SAFB: variants seen among roughly 807,000 people sequenced by gnomAD.
SAFB encodes scaffold attachment factor B.
A neutral mutation model predicts 101.6 loss-of-function variants in SAFB; 15 were observed. The ratio of observed to expected loss-of-function variants is 0.15; its 90% CI spans 0.10 to 0.23. The LOEUF is 0.23. Among genes scored for constraint, SAFB ranks in the 10% least tolerant of loss-of-function variants. The pLI, the probability that SAFB is intolerant of heterozygous loss-of-function variation, is 1.00. For missense variants in SAFB, 930 were observed against 1,104.1 expected, an observed-to-expected ratio of 0.84 and a Z score of 2.23; for synonymous variants, 449 against 407.5, an observed-to-expected ratio of 1.10 and a Z score of -1.23.
At chr19:5,655,838 A>G (rs376451622) in intron 13 of SAFB, among the ~76,000 whole-genome samples, 1 of 152,240 alleles carries the variant, frequency 6.6e-6, no homozygotes, top group Non-Finnish European at 1.5e-5. Flanking sequence ...TAACAATGTC[A>G]TTGGCACAAA....
chr19:5,647,159 C>T (rs536657048), intron 5 of SAFB, among the ~76,000 whole-genome samples: 2 of 152,294 alleles, frequency 1.3e-5, no homozygotes, highest in East Asian at 3.9e-4. Flanking sequence ...GAAAAAGCTC[C>T]TTTGCTTAGT....
intron 2 of SAFB, among the ~76,000 whole-genome samples, chr19:5,629,735 G>A (rs2053448431): frequency 6.6e-6 from 1 of 152,152 alleles, no homozygotes; most frequent in African/African-American, 2.4e-5. Flanking sequence ...CAAGGATATG[G>A]CCCTTTATTT....
rs201328292 is a variant in SAFB at position 5,654,099 on chromosome 19, A to C, written c.1565A>C (p.Lys522Thr). 259 of 1,614,080 alleles carry C rather than the reference A, an allele frequency of 1.6e-4. 1 individual carries two copies. The highest frequency in any genetic ancestry group is 1.9e-4 in the Non-Finnish European group (229 of 1,180,026). Residue 522 changes from lysine (K) to threonine (T), a missense_variant, in exon 12 of 21, where the codon AAA (lysine) becomes ACA (threonine). Coordinates refer to ENST00000588852, the MANE Select transcript of SAFB (RefSeq NM_001201338.2). ...NLKRDDKCDR[K>T]DDAKKGDDGS... ...AAGAGGGATGATAAATGTGACAGAA[A>C]AGATGATGCTAAGAAGGGTGACGAC...
At chr19:5,660,579 G>A (rs934000436) in intron 14 of SAFB, among the ~76,000 whole-genome samples, 9 of 151,138 alleles carry the variant, frequency 6.0e-5, no homozygotes, top group Non-Finnish European at 7.4e-5. Context: ...GTAAAGGATC[G>A]AAAGAAGAAA....
intron 4 of SAFB, among the ~76,000 whole-genome samples, chr19:5,644,269 C>T (rs1786749174): frequency 6.6e-6 from 1 of 152,136 alleles, no homozygotes; most frequent in African/African-American, 2.4e-5. Context: ...GTTTCCCAGC[C>T]TAGTTCAATG....
chr19:5,667,918 C>G lies in SAFB; in HGVS notation c.2624+32C>G. 17 of 1,571,244 alleles carry G rather than the reference C, an allele frequency of 1.1e-5. No homozygotes were observed. The highest frequency in any genetic ancestry group is 1.5e-5 in the Non-Finnish European group (17 of 1,158,620). On this transcript the variant is annotated intron_variant, in intron 20 of 20. Transcript: ENST00000588852. This position sits in a 1 kb window ranked among gnomAD's most constrained non-coding sequence, Gnocchi z 4.0. ...CATGCTGGGGGCGGCGCCCCTTCCC[C>G]CTGCTTTGCATATTGGCCTACCTTG...
chr19:5,648,654 T>G (rs1311476249), intron 6 of SAFB, among the ~76,000 whole-genome samples: 1 of 152,216 alleles, frequency 6.6e-6, no homozygotes, highest in Non-Finnish European at 1.5e-5. Context: ...TGGTGATACA[T>G]TCAGTTAAGC....
intron 4 of SAFB, among the ~76,000 whole-genome samples, chr19:5,642,206 G>C (rs185594767): frequency 6.6e-6 from 1 of 152,214 alleles, no homozygotes. Context: ...TCTTCCTGTT[G>C]CCGGACTTGA....
chr19:5,645,901 G>A (rs563749066), intron 5 of SAFB, among the ~76,000 whole-genome samples: 5 of 152,144 alleles, frequency 3.3e-5, no homozygotes, highest in Non-Finnish European at 7.4e-5. Flanking sequence ...TTTTTGTTTT[G>A]TTTTTTCTGA....
chr19:5,644,744 TG>T (rs2053790811), intron 4 of SAFB, among the ~76,000 whole-genome samples: 1 of 152,216 alleles, frequency 6.6e-6, no homozygotes, highest in South Asian at 2.1e-4. Context: ...CCCCTTTCTT[TG>T]TTTGGGGAAT....
At chr19:5,641,546 T>G in intron 2 of SAFB, 48 bp from the exon 3 acceptor site, 1 of 1,517,912 alleles carries the variant, frequency 6.6e-7, no homozygotes. Flanking sequence ...GTTGCTTCTG[T>G]AAAGTGCGTA....
intron 13 of SAFB, among the ~76,000 whole-genome samples, chr19:5,654,916 G>T (rs1258137015): frequency 2.0e-5 from 3 of 152,174 alleles, no homozygotes; most frequent in Non-Finnish European, 4.4e-5. Context: ...CCTTACTTTT[G>T]CTCTGATAAC....
chr19:5,656,556 G>C (rs112124467), intron 13 of SAFB, among the ~76,000 whole-genome samples: 1 of 149,688 alleles, frequency 6.7e-6, no homozygotes, highest in African/African-American at 2.4e-5. Context: ...GATTATAGGC[G>C]TGAGCCACTG....
At chr19:5,645,984 TAGATG>T (rs1448581777) in intron 5 of SAFB, among the ~76,000 whole-genome samples, 1 of 152,180 alleles carries the variant, frequency 6.6e-6, no homozygotes, top group African/African-American at 2.4e-5. Flanking sequence ...TATTAAATCT[TAGATG>T]AGAACAGATG....
At chr19:5,651,740 A>G (rs1169433756) in intron 9 of SAFB, among the ~76,000 whole-genome samples, 1 of 152,130 alleles carries the variant, frequency 6.6e-6, no homozygotes, top group Non-Finnish European at 1.5e-5. Flanking sequence ...CTTGCCTCCC[A>G]AACAGCCTCC....
chr19:5,639,955 A>G (rs1488570291), intron 2 of SAFB, among the ~76,000 whole-genome samples: 1 of 151,844 alleles, frequency 6.6e-6, no homozygotes, highest in Non-Finnish European at 1.5e-5. Flanking sequence ...CTCCTGCCTC[A>G]GCCTCCCAAG....
At position 5,653,625 on chromosome 19, in the gene SAFB, C is replaced by T. The variant is rs369909982; in HGVS notation, c.1526+205C>T. ...GGACTAAGGTGTGCACCACCACACC[C>T]GGCTAATTTTTGTATTTTCAGTAGA... is the stretch of plus-strand genomic sequence containing the variant. On this transcript the variant is annotated intron_variant, in intron 11 of 20. Transcript: ENST00000588852. 9.7e-4 allele frequency among the ~76,000 whole-genome samples: 148 copies of T among 152,180 alleles called. 1 individual carries two copies. Among genetic ancestry groups the T allele is most frequent in the African/African-American group, 3.4e-3 (141 of 41,510 alleles).
intron 2 of SAFB, 71 bp from the exon 3 acceptor site, chr19:5,641,523 T>C: frequency 2.4e-6 from 3 of 1,245,084 alleles, no homozygotes; most frequent in South Asian, 2.5e-5. Context: ...ACTTGTGTAG[T>C]GCTCAGGGCA....
chr19:5,660,748 G>GT (rs1210401910), intron 14 of SAFB, among the ~76,000 whole-genome samples: 2 of 145,100 alleles, frequency 1.4e-5, no homozygotes, highest in Non-Finnish European at 3.0e-5. Context: ...GCTCCTGTCT[G>GT]TTCTGTTTTA....
Sources: allele counts gnomAD v4.1 joint callset (sites outside exome capture counted in the v4.1 genomes callset), GRCh38; gene constraint gnomAD v4.1.1; non-coding constraint Gnocchi (gnomAD v3.1); transcripts MANE v1.5; gene names NCBI Gene and HGNC (gene_info 2026-07-23, HGNC 2026-07-21).